CLCN6: variants seen among roughly 807,000 people sequenced by gnomAD.
CLCN6 encodes H(+)/Cl(-) exchange transporter 6.
In CLCN6, 70 loss-of-function variants were observed where a neutral mutation model predicts 109.8. That is an observed-to-expected ratio of 0.64 (90% CI 0.53 to 0.78). The LOEUF (loss-of-function observed/expected upper bound fraction) is 0.78, where lower values mean the gene tolerates loss of function less well. CLCN6 is among the 30% of genes least tolerant of loss of function. The pLI, the probability that CLCN6 is intolerant of heterozygous loss-of-function variation, is 0.00. For missense variants in CLCN6, 984 were observed against 1,142.3 expected, an observed-to-expected ratio of 0.86 and a Z score of 2.00; for synonymous variants, 444 against 447.8, an observed-to-expected ratio of 0.99 and a Z score of 0.11.
At position 11,834,484 on chromosome 1, in the gene CLCN6, G is replaced by A. The variant is rs1440281106; in HGVS notation, c.1687G>A (p.Val563Met). ...TTTAGGTCTTTGCTTTGTGTTTCAG[G>A]TGGCCAAATGGACAGGGGACTTTTT... ...YGLPIMVTLM[V>M]AKWTGDFFNK... The change falls in exon 17 of 23, where the codon GTG (valine) becomes ATG (methionine). Residue 563 changes from valine to methionine, a missense_variant and splice_region_variant. Coordinates refer to ENST00000346436, the MANE Select transcript of CLCN6 (RefSeq NM_001286.5). This position sits in a 1 kb window ranked among gnomAD's most constrained non-coding sequence, Gnocchi z 4.5. The A allele has an allele frequency of 6.2e-7, 1 of 1,614,154 alleles. No homozygotes were observed. Among genetic ancestry groups the A allele is most frequent in the Non-Finnish European group, 8.5e-7 (1 of 1,180,000 alleles).
chr1:11,838,205 T>C (rs1467433267), intron 20 of CLCN6, 130 bp from the exon 21 acceptor site: 2 of 807,282 alleles, frequency 2.5e-6, no homozygotes, highest in Admixed American at 2.4e-5. Context: ...CTGGAGCGCT[T>C]GCTGCTGCTG....
In CLCN6 at chr1:11,838,418, G is replaced by A. The variant is rs1314949934; in HGVS notation, c.2379G>A (p.Thr793=). ...CCGACATCCACGACCTGGACCTGAC[G>A]CTGCTCAACCCGCGCATGATCGTGG... The part of the protein sequence containing the change: ...RYPDIHDLDL[T]LLNPRMIVDV... Residue 793 remains threonine, a synonymous_variant, in exon 21 of 23, where the codon ACG becomes ACA. Coordinates refer to ENST00000346436, the MANE Select transcript of CLCN6 (RefSeq NM_001286.5). 5 of 1,614,104 alleles carry A rather than the reference G, an allele frequency of 3.1e-6. No individual in the cohort carries two copies. Among genetic ancestry groups the A allele is most frequent in the Middle Eastern group, 3.3e-4 (2 of 6,062 alleles).
chr1:11,821,933 G>A (rs1203712591), intron 5 of CLCN6, among the ~76,000 whole-genome samples: 1 of 152,132 alleles, frequency 6.6e-6, no homozygotes, highest in African/African-American at 2.4e-5. Flanking sequence ...TATCAACATG[G>A]CTAATTCTCA....
intron 2 of CLCN6, among the ~76,000 whole-genome samples, chr1:11,808,954 T>C (rs1644561270): frequency 6.6e-6 from 1 of 151,920 alleles, no homozygotes; most frequent in African/African-American, 2.4e-5. Flanking sequence ...CACCCCACCC[T>C]AGGTTCAAGC....
chr1:11,827,251 C>T (rs1644824424), intron 10 of CLCN6, 30 bp downstream of exon 10: 1 of 1,597,046 alleles, frequency 6.3e-7, no homozygotes, highest in Non-Finnish European at 8.6e-7. Context: ...AAAGCATTAA[C>T]CACACCCCCC....
chr1:11,840,051 C>A, intron 22 of CLCN6, 92 bp from the exon 23 acceptor site: 1 of 1,043,532 alleles, frequency 9.6e-7, no homozygotes, highest in Non-Finnish European at 1.5e-6. Flanking sequence ...CCTCCACATT[C>A]TGTGACAAAC....
At position 11,838,898 on chromosome 1, in the gene CLCN6, A is replaced by G; in HGVS notation, c.2529+238A>G. On this transcript the variant is annotated intron_variant, in intron 22 of 22. Coordinates refer to ENST00000346436, the MANE Select transcript of CLCN6 (RefSeq NM_001286.5). ...CCTTTCCAGCCAGAGCCGCGCCTCT[A>G]CCAGGCTGTGTCTTCCTCCTGAAAT... 9.7e-6 allele frequency: 7 copies of G among 723,054 alleles called. No individual in the cohort carries two copies. The Middle Eastern group carries it at 9.1e-4, about 94-fold the overall frequency. The allele number at this position is 723,054 out of a possible 1,614,324, so 44.8% of individuals were successfully genotyped here. A position where few individuals can be genotyped will look rare whatever the true frequency, so the allele number is the denominator to read the frequency against.
intron 18 of CLCN6, 30 bp from the exon 19 acceptor site, chr1:11,836,969 C>T (rs752103093): frequency 5.6e-6 from 9 of 1,602,578 alleles, no homozygotes; most frequent in African/African-American, 5.3e-5. Context: ...TTTGCCCATG[C>T]GCAGTAGCCT....
rs1645033115 is a variant in CLCN6, at chr1:11,842,185, C to A, written c.*1962C>A. ...ACGCCCTGCAGGAGGACCCCGGCCT[C>A]TCGAGGGCTGGATCAGCAGCCGCCT... On this transcript the variant is annotated 3_prime_UTR_variant, in exon 23 of 23. Coordinates refer to ENST00000346436, the MANE Select transcript of CLCN6 (RefSeq NM_001286.5). The A allele has an allele frequency of 1.3e-5, 2 of 152,222 alleles. No individual in the cohort carries two copies. Among genetic ancestry groups the A allele is most frequent in the South Asian group, 4.1e-4 (2 of 4,824 alleles). 9.4% of individuals were successfully genotyped at this position (152,222 alleles called of 1,614,324 possible). A position where few individuals can be genotyped will look rare whatever the true frequency, so the allele number is the denominator to read the frequency against.
In CLCN6 at chr1:11,828,558, ACTGT is replaced by A; in HGVS notation, c.1059_1062del (p.Cys353Ter). ...GGGGGCCTCCTGGGAGCCACATTCA[ACTGT>A]CTGAACAAGAGGCTTGCAAAGTACC... On this transcript the variant is annotated frameshift_variant, in exon 12 of 23. Transcript: ENST00000346436. LOFTEE classifies it high-confidence loss of function. 2 of 1,614,122 alleles carry A rather than the reference ACTGT, an allele frequency of 1.2e-6. No homozygotes were observed. The highest frequency in any genetic ancestry group is 1.7e-6 in the Non-Finnish European group (2 of 1,180,018).
intron 2 of CLCN6, among the ~76,000 whole-genome samples, chr1:11,813,574 A>G (rs1408457753): frequency 6.6e-6 from 1 of 152,130 alleles, no homozygotes. Flanking sequence ...TATTTTTGGT[A>G]GAGACGGGGT....
At chr1:11,812,718 G>A (rs900248744) in intron 2 of CLCN6, among the ~76,000 whole-genome samples, 3 of 141,650 alleles carry the variant, frequency 2.1e-5, no homozygotes, top group Admixed American at 7.0e-5. Flanking sequence ...GTGTATTGTT[G>A]GGGCTCAGAA....
At position 11,838,654 on chromosome 1, in the gene CLCN6, G is replaced by A; in HGVS notation, c.2523G>A (p.Val841=). ...GLRHLPVVNA[V]GEIVGIITRH... ...GCCACCTGCCCGTGGTGAACGCTGT[G>A]GGAGAGGTGAGCGAGGCCCCGGCCC... The change falls in exon 22 of 23, where the codon GTG becomes GTA. Residue 841 remains valine (V), a synonymous_variant. Coordinates refer to ENST00000346436, the MANE Select transcript of CLCN6 (RefSeq NM_001286.5). 6.2e-7 allele frequency: 1 copy of A among 1,614,240 alleles called. No homozygotes were observed. The highest frequency in any genetic ancestry group is 8.5e-7 in the Non-Finnish European group (1 of 1,180,050).
Position 11,828,106 on chromosome 1 carries a change from C to T in CLCN6, c.841C>T (p.Leu281Phe). 6.2e-7 allele frequency: 1 copy of T among 1,611,742 alleles called. No homozygotes were observed. The highest frequency in any genetic ancestry group is 8.5e-7 in the Non-Finnish European group (1 of 1,177,860). The change falls in exon 11 of 23, where the codon CTC (leucine) becomes TTC (phenylalanine). Residue 281 changes from leucine to phenylalanine, a missense_variant and splice_region_variant. Coordinates refer to ENST00000346436, the MANE Select transcript of CLCN6 (RefSeq NM_001286.5). The part of the protein sequence containing the change: ...FWNQGLTWKV[L>F]FCSMSATFTL... ...TTGTCTTTTGTCACCTCTCCCCTAG[C>T]TCTTTTGTTCCATGTCTGCCACCTT...
In CLCN6 at chr1:11,824,490, C is replaced by T; in HGVS notation, c.585C>T (p.Leu195=). 6.2e-7 allele frequency: 1 copy of T among 1,613,644 alleles called. No individual in the cohort carries two copies. Among genetic ancestry groups the T allele is most frequent in the Non-Finnish European group, 8.5e-7 (1 of 1,179,696 alleles). ...LGVLFSVAGG[L]FVEKEGPMIH... is the part of the protein sequence containing the mutation. Reference sequence around the variant, plus strand: ...TTCCTTTTTCACCCTGCCCAGGGCTCTTCGTGGAGAAGGAAGGCCCCATGA... The same window carrying T: ...TTCCTTTTTCACCCTGCCCAGGGCTTTTCGTGGAGAAGGAAGGCCCCATGA... Residue 195 remains leucine, a synonymous_variant, in exon 8 of 23, where the codon CTC becomes CTT. Transcript: ENST00000346436.
Position 11,834,278 on chromosome 1 carries a change from G to A in CLCN6, c.1569G>A (p.Leu523=). 6.2e-7 allele frequency: 1 copy of A among 1,614,134 alleles called. No individual in the cohort carries two copies. The highest frequency in any genetic ancestry group is 8.5e-7 in the Non-Finnish European group (1 of 1,180,020). Residue 523 remains leucine (L), a synonymous_variant, in exon 16 of 23, where the codon CTG becomes CTA. Transcript: ENST00000346436. This position sits in a 1 kb window ranked among gnomAD's most constrained non-coding sequence, Gnocchi z 4.5. ...LGHIYSGTFA[L]IGAAAFLGGV... ...ACATCTATTCGGGGACCTTTGCCCT[G>A]ATTGGTGCAGCGGCTTTCTTGGGCG...
chr1:11,809,169 G>T (rs769964114), intron 2 of CLCN6, among the ~76,000 whole-genome samples: 12 of 152,018 alleles, frequency 7.9e-5, no homozygotes, highest in Non-Finnish European at 1.8e-4. Context: ...ATTTTCTTCT[G>T]TTTCGTAAGT....
intron 4 of CLCN6, among the ~76,000 whole-genome samples, chr1:11,816,892 C>T (rs1253692065): frequency 6.6e-6 from 1 of 151,644 alleles, no homozygotes; most frequent in Non-Finnish European, 1.5e-5. Context: ...TTCACACTTC[C>T]CCTGCTTTTG....
chr1:11,825,452 G>A (rs1295729980), intron 8 of CLCN6, among the ~76,000 whole-genome samples: 1 of 152,184 alleles, frequency 6.6e-6, no homozygotes, highest in East Asian at 1.9e-4. Context: ...AGCAGACTCG[G>A]TCTTCTGCAA....
Sources: gnomAD v4.1 joint callset for allele counts (sites outside exome capture counted in the v4.1 genomes callset) on GRCh38, gnomAD v4.1.1 for gene constraint, Gnocchi (gnomAD v3.1) non-coding constraint, MANE v1.5 for transcripts, NCBI Gene and HGNC (gene_info 2026-07-23, HGNC 2026-07-21) for gene names.